Variants in FAM135B observed in about 807,000 individuals in gnomAD.
FAM135B encodes the protein family with sequence similarity 135 member B.
Under a neutral mutation model 127.7 loss-of-function variants are expected in FAM135B, and 43 were observed. The observed-to-expected ratio is 0.34, with a 90% CI of 0.26 to 0.43. FAM135B has a LOEUF of 0.43. Ranked by LOEUF, FAM135B falls within the 20% of genes least tolerant of loss-of-function variation. The pLI is 1.00. For missense variants in FAM135B, 1,558 were observed against 1,725.6 expected, an observed-to-expected ratio of 0.90 and a Z score of 1.72; for synonymous variants, 670 against 665.1, an observed-to-expected ratio of 1.01 and a Z score of -0.11.
intron 1 of FAM135B, among the ~76,000 whole-genome samples, chr8:138,458,611 C>T (rs946514508): frequency 3.9e-5 from 6 of 152,252 alleles, no homozygotes; most frequent in African/African-American, 9.6e-5. Flanking sequence ...CACTCTGGCC[C>T]ACGGTCTATT....
chr8:138,159,468 G>A lies in FAM135B; in HGVS notation c.1259-6252C>T, dbSNP rs182332094. Among the ~76,000 whole-genome samples the A allele has an allele frequency of 3.7e-3, 564 of 151,140 alleles. 1 individual carries two copies. Among genetic ancestry groups the A allele is most frequent in the African/African-American group, 0.013 (544 of 41,144 alleles). ...TGTCCTTTGTAGGGACATGGATGAA[G>A]CTGGAAACTATCATTCTGAGCAAAC... On this transcript the variant is annotated intron_variant, in intron 12 of 19. Transcript: ENST00000395297.
At chr8:138,281,076 C>T (rs1407702752) in intron 3 of FAM135B, among the ~76,000 whole-genome samples, 1 of 152,136 alleles carries the variant, frequency 6.6e-6, no homozygotes, top group Non-Finnish European at 1.5e-5. Flanking sequence ...TAGGTGATTA[C>T]ATTCCACACA....
chr8:138,267,157 T>C (rs1823002884), intron 3 of FAM135B, among the ~76,000 whole-genome samples: 1 of 152,164 alleles, frequency 6.6e-6, no homozygotes, highest in South Asian at 2.1e-4. Flanking sequence ...GGTAGAGTTC[T>C]CATATATGGG....
At chr8:138,218,190 A>C (rs901210833) in intron 7 of FAM135B, among the ~76,000 whole-genome samples, 2 of 152,220 alleles carry the variant, frequency 1.3e-5, no homozygotes, top group Non-Finnish European at 2.9e-5. Flanking sequence ...TTAACCAAAA[A>C]ATGTCTGTGC....
intron 7 of FAM135B, among the ~76,000 whole-genome samples, chr8:138,239,720 T>C (rs113532729): frequency 0.11 from 15,991 of 152,192 alleles, 1,113 homozygotes; most frequent in Non-Finnish European, 0.13. Context: ...TGCGGCACTA[T>C]TCACAATAGC....
chr8:138,224,368 G>A (rs1183149327), intron 7 of FAM135B, among the ~76,000 whole-genome samples: 1 of 152,176 alleles, frequency 6.6e-6, no homozygotes, highest in Admixed American at 6.5e-5. Flanking sequence ...CAGAACTCAT[G>A]CATGCACACA....
chr8:138,280,665 A>G (rs1335805909), intron 3 of FAM135B, among the ~76,000 whole-genome samples: 1 of 152,066 alleles, frequency 6.6e-6, no homozygotes, highest in Non-Finnish European at 1.5e-5. Flanking sequence ...AAACTTTTTA[A>G]TGACTGTGTT....
Position 138,256,673 on chromosome 8 carries a change from T to C in FAM135B, c.368+16A>G. The C allele has an allele frequency of 3.7e-6, 6 of 1,611,176 alleles. No individual in the cohort carries two copies. The highest frequency in any genetic ancestry group is 1.1e-5 in the South Asian group (1 of 90,928). ...GCACTGTGCTACTACAATTCAATAA[T>C]TTCCATGACACTCACTGCTGTTCAC... On this transcript the variant is annotated intron_variant, in intron 5 of 19. Transcript: ENST00000395297.
intron 3 of FAM135B, among the ~76,000 whole-genome samples, chr8:138,299,106 A>C (rs369960392): frequency 1.3e-5 from 2 of 149,734 alleles, no homozygotes; most frequent in African/African-American, 2.4e-5. Flanking sequence ...TAAATAAATA[A>C]ATAAAATAAA....
intron 12 of FAM135B, among the ~76,000 whole-genome samples, chr8:138,164,461 T>C (rs1271741071): frequency 6.6e-6 from 1 of 152,140 alleles, no homozygotes; most frequent in Non-Finnish European, 1.5e-5. Context: ...AAGGAAAATA[T>C]CTTGAGGCCC....
chr8:138,257,936 G>T (rs769804498), intron 4 of FAM135B, among the ~76,000 whole-genome samples: 6 of 151,874 alleles, frequency 4.0e-5, no homozygotes, highest in Non-Finnish European at 5.9e-5. Flanking sequence ...GGACTTGGGA[G>T]TGCTGGGCTG....
At chr8:138,277,759 T>C (rs1823942848) in intron 3 of FAM135B, among the ~76,000 whole-genome samples, 1 of 152,108 alleles carries the variant, frequency 6.6e-6, no homozygotes, top group South Asian at 2.1e-4. Flanking sequence ...GTGTGAATAT[T>C]CTCACCTCTG....
intron 9 of FAM135B, among the ~76,000 whole-genome samples, chr8:138,186,736 C>A (rs1055670226): frequency 6.6e-6 from 1 of 152,226 alleles, no homozygotes; most frequent in Non-Finnish European, 1.5e-5. Context: ...AGTCCTGCAG[C>A]TTGGGGCACC....
At chr8:138,320,382 T>G (rs970737346) in intron 2 of FAM135B, among the ~76,000 whole-genome samples, 3 of 152,216 alleles carry the variant, frequency 2.0e-5, no homozygotes, top group Non-Finnish European at 2.9e-5. Flanking sequence ...GCCATTTGGC[T>G]AGCACCAAGC....
At chr8:138,463,000 GAAGT>G (rs1169452769) in intron 1 of FAM135B, among the ~76,000 whole-genome samples, 1 of 152,116 alleles carries the variant, frequency 6.6e-6, no homozygotes, top group Non-Finnish European at 1.5e-5. Flanking sequence ...GAAAGACCAA[GAAGT>G]AATAATAAAT....
At chr8:138,461,551 GC>G (rs541061369) in intron 1 of FAM135B, among the ~76,000 whole-genome samples, 133 of 152,298 alleles carry the variant, frequency 8.7e-4, no homozygotes, top group Non-Finnish European at 1.5e-3. Context: ...GTCAAGGTAT[GC>G]AAATGAAATG....
intron 7 of FAM135B, among the ~76,000 whole-genome samples, chr8:138,199,417 G>A (rs1280349733): frequency 1.3e-5 from 2 of 152,192 alleles, no homozygotes; most frequent in East Asian, 1.9e-4. Context: ...CTGTAAAGCA[G>A]GATGGGTGGA....
intron 2 of FAM135B, among the ~76,000 whole-genome samples, chr8:138,320,524 A>C (rs1827379505): frequency 6.6e-6 from 1 of 152,196 alleles, no homozygotes; most frequent in African/African-American, 2.4e-5. Flanking sequence ...CTCTCGTTTC[A>C]TGTATTTCAT....
At chr8:138,190,746 A>C (rs1816045787) in intron 9 of FAM135B, among the ~76,000 whole-genome samples, 1 of 152,188 alleles carries the variant, frequency 6.6e-6, no homozygotes, top group Non-Finnish European at 1.5e-5. Flanking sequence ...TCTGCGTAAT[A>C]AGAACTTGGT....
Sources: allele counts gnomAD v4.1 joint callset (sites outside exome capture counted in the v4.1 genomes callset), GRCh38; gene constraint gnomAD v4.1.1; transcripts MANE v1.5; gene names NCBI Gene and HGNC (gene_info 2026-07-23, HGNC 2026-07-21).